The following RBMS1 variants were observed in gnomAD, a reference collection of about 807,000 sequenced individuals.
RBMS1 encodes the protein RNA-binding motif, single-stranded-interacting protein 1.
In RBMS1, 17 loss-of-function variants were observed where a neutral mutation model predicts 62.3. The ratio of observed to expected loss-of-function variants is 0.27; its 90% confidence interval spans 0.19 to 0.41. The LOEUF is 0.41. Ranked by LOEUF, RBMS1 falls within the 10% of genes least tolerant of loss-of-function variation. RBMS1 has a pLI of 1.00. For missense variants in RBMS1, 334 were observed against 504.5 expected (o/e 0.66, Z 3.24); for synonymous variants, 172 against 170.0 (o/e 1.01, Z -0.09).
At chr2:160,413,221 C>A (rs571543325) in intron 1 of RBMS1, among the ~76,000 whole-genome samples, 42 of 152,014 alleles carry the variant, frequency 2.8e-4, no homozygotes, top group Admixed American at 9.2e-4. Context: ...ACCTTTAATG[C>A]ATAAAATATA....
chr2:160,402,256 A>G (rs763057811), intron 1 of RBMS1, among the ~76,000 whole-genome samples: 13 of 152,220 alleles, frequency 8.5e-5, no homozygotes, highest in Non-Finnish European at 1.5e-4. Context: ...TAGTCTTTCA[A>G]TTAGGTAGAG....
intron 1 of RBMS1, among the ~76,000 whole-genome samples, chr2:160,386,112 A>G (rs1694558334): frequency 6.6e-6 from 1 of 152,260 alleles, no homozygotes. Flanking sequence ...AAACTATGCT[A>G]AGGGCGTAAG....
intron 2 of RBMS1, among the ~76,000 whole-genome samples, chr2:160,342,400 C>A (rs1413996760): frequency 6.6e-6 from 1 of 152,092 alleles, no homozygotes; most frequent in Non-Finnish European, 1.5e-5. Flanking sequence ...AGAGTCACAG[C>A]AGAAATAGAG....
intron 2 of RBMS1, among the ~76,000 whole-genome samples, chr2:160,326,017 G>T (rs899055284): frequency 3.9e-5 from 6 of 152,132 alleles, no homozygotes; most frequent in African/African-American, 1.4e-4. Flanking sequence ...TTCCACTTGT[G>T]TTATATGGCT....
At chr2:160,390,502 G>T (rs1694800774) in intron 1 of RBMS1, among the ~76,000 whole-genome samples, 1 of 152,116 alleles carries the variant, frequency 6.6e-6, no homozygotes, top group South Asian at 2.1e-4. Flanking sequence ...ATCAGTGTGG[G>T]CAGCATGGTA....
chr2:160,298,342 GA>G (rs1333888731), intron 6 of RBMS1, among the ~76,000 whole-genome samples: 1 of 152,042 alleles, frequency 6.6e-6, no homozygotes, highest in Non-Finnish European at 1.5e-5. Flanking sequence ...TGGAGAGGAT[GA>G]ATATAAGGTA....
At chr2:160,340,311 A>C (rs1019809664) in intron 2 of RBMS1, among the ~76,000 whole-genome samples, 1 of 152,154 alleles carries the variant, frequency 6.6e-6, no homozygotes, top group Non-Finnish European at 1.5e-5. Flanking sequence ...GACAGCTTTA[A>C]AAAGAGACAT....
chr2:160,375,799 T>C (rs1693964737), intron 1 of RBMS1, among the ~76,000 whole-genome samples: 1 of 151,938 alleles, frequency 6.6e-6, no homozygotes, highest in Non-Finnish European at 1.5e-5. Flanking sequence ...TCCTCCTCCT[T>C]GAATTTCCAG....
At chr2:160,435,439 A>G (rs1683070695) in intron 1 of RBMS1, among the ~76,000 whole-genome samples, 1 of 152,262 alleles carries the variant, frequency 6.6e-6, no homozygotes, top group African/African-American at 2.4e-5. Context: ...GGTGACCCGA[A>G]CATCAGTCCT....
chr2:160,293,674 T>C (rs1389888868), intron 6 of RBMS1, among the ~76,000 whole-genome samples: 1 of 151,914 alleles, frequency 6.6e-6, no homozygotes, highest in Non-Finnish European at 1.5e-5. Context: ...CTTTGAGAGG[T>C]GGTGGTGGTG....
chr2:160,374,529 T>C (rs149617332), intron 1 of RBMS1, among the ~76,000 whole-genome samples: 7 of 152,248 alleles, frequency 4.6e-5, no homozygotes, highest in African/African-American at 1.7e-4. Context: ...ATCTCACATG[T>C]AGAAAAGAAT....
chr2:160,323,830 G>GTT (rs1690732524), intron 2 of RBMS1, among the ~76,000 whole-genome samples: 1 of 152,092 alleles, frequency 6.6e-6, no homozygotes, highest in Non-Finnish European at 1.5e-5. Flanking sequence ...GAGGATAACA[G>GTT]GTAAAAGCTC....
At chr2:160,422,886 G>A (rs1454290319) in intron 1 of RBMS1, among the ~76,000 whole-genome samples, 1 of 152,012 alleles carries the variant, frequency 6.6e-6, no homozygotes, top group African/African-American at 2.4e-5. Context: ...TTTGCAAGTG[G>A]CTCCCTATCC....
intron 1 of RBMS1, among the ~76,000 whole-genome samples, chr2:160,370,207 A>G (rs1196291386): frequency 6.6e-6 from 1 of 152,234 alleles, no homozygotes; most frequent in East Asian, 1.9e-4. Flanking sequence ...TTTATTTCCA[A>G]ATCAATTCTT....
intron 1 of RBMS1, among the ~76,000 whole-genome samples, chr2:160,447,440 C>T (rs952644408): frequency 3.9e-5 from 6 of 152,022 alleles, no homozygotes; most frequent in Admixed American, 6.6e-5. Flanking sequence ...TTTTGTTCTT[C>T]GTGAAAGTCT....
At position 160,272,907 on chromosome 2, in the gene RBMS1, T is replaced by C. The variant is rs957591415; in HGVS notation, c.*1865A>G. The C allele has an allele frequency of 2.0e-5, 3 of 152,166 alleles. No individual in the cohort carries two copies. The highest frequency in any genetic ancestry group is 7.2e-5 in the African/African-American group (3 of 41,434). 9.4% of individuals were successfully genotyped at this position (152,166 alleles called of 1,614,324 possible). On this transcript the variant is annotated 3_prime_UTR_variant, in exon 14 of 14. Transcript: ENST00000348849. ...ATAAAATTTAAGAACTAAAAAATAC[T>C]TGAAAGAAATAACTGCTTAGCCCTA...
intron 1 of RBMS1, among the ~76,000 whole-genome samples, chr2:160,423,904 G>A (rs992796687): frequency 1.3e-5 from 2 of 152,096 alleles, no homozygotes; most frequent in South Asian, 4.1e-4. Flanking sequence ...TTTCACTGGA[G>A]GGTAAACTCG....
At chr2:160,338,762 A>G (rs960468748) in intron 2 of RBMS1, among the ~76,000 whole-genome samples, 2 of 152,234 alleles carry the variant, frequency 1.3e-5, no homozygotes, top group African/African-American at 4.8e-5. Flanking sequence ...AGTTCAAAAA[A>G]GAAAAGGTAG....
chr2:160,427,589 A>G (rs1272972113), intron 1 of RBMS1, among the ~76,000 whole-genome samples: 1 of 152,240 alleles, frequency 6.6e-6, no homozygotes, highest in East Asian at 1.9e-4. Context: ...AGGGAATTAC[A>G]TTTTTAAAAT....
Sources: allele counts gnomAD v4.1 joint callset (sites outside exome capture counted in the v4.1 genomes callset), GRCh38; gene constraint gnomAD v4.1.1; transcripts MANE v1.5; gene names NCBI Gene and HGNC (gene_info 2026-07-23, HGNC 2026-07-21).